The following LRRC4C variants were observed in gnomAD, a reference collection of about 807,000 sequenced individuals.
LRRC4C encodes leucine-rich repeat-containing protein 4C.
A neutral mutation model predicts 33.6 loss-of-function variants in LRRC4C; 5 were observed. That is an observed-to-expected ratio of 0.15 (90% CI 0.08 to 0.31). The LOEUF (loss-of-function observed/expected upper bound fraction) is 0.31, where lower values mean the gene tolerates loss of function less well. Among genes scored for constraint, LRRC4C ranks in the 10% least tolerant of loss-of-function variants. The pLI, the probability that LRRC4C is intolerant of heterozygous loss-of-function variation, is 1.00. For synonymous variants in LRRC4C, 329 were observed against 302.0 expected, an observed-to-expected ratio of 1.09 and a Z score of -0.93; for missense variants, 560 against 796.7, an observed-to-expected ratio of 0.70 and a Z score of 3.58.
intron 1 of LRRC4C, among the ~76,000 whole-genome samples, chr11:41,051,307 G>A (rs988327139): frequency 2.6e-5 from 4 of 151,934 alleles, no homozygotes; most frequent in Non-Finnish European, 4.4e-5. Flanking sequence ...AGAGGTGAAC[G>A]ATGAATACAA....
chr11:41,210,300 T>C (rs1205511459), intron 1 of LRRC4C, among the ~76,000 whole-genome samples: 1 of 152,140 alleles, frequency 6.6e-6, no homozygotes. Flanking sequence ...CTGTGGGAGA[T>C]AACTGAATCA....
intron 4 of LRRC4C, among the ~76,000 whole-genome samples, chr11:40,308,874 C>G (rs1358694949): frequency 2.0e-5 from 3 of 152,202 alleles, no homozygotes; most frequent in Admixed American, 2.0e-4. Context: ...CTTGAAGCTA[C>G]TCTGGTTACA....
intron 1 of LRRC4C, among the ~76,000 whole-genome samples, chr11:41,038,382 T>C (rs1451493599): frequency 6.6e-6 from 1 of 152,226 alleles, no homozygotes. Flanking sequence ...AGCCAGTTAA[T>C]CCTCTTAATT....
chr11:40,573,493 A>G (rs1353504161), intron 3 of LRRC4C, among the ~76,000 whole-genome samples: 2 of 152,158 alleles, frequency 1.3e-5, no homozygotes, highest in Non-Finnish European at 2.9e-5. Context: ...TCAATCTTAA[A>G]TAATAACTGT....
chr11:41,072,511 ACCT>A (rs1403152644), intron 1 of LRRC4C, among the ~76,000 whole-genome samples: 4 of 151,300 alleles, frequency 2.6e-5, no homozygotes, highest in Non-Finnish European at 4.4e-5. Flanking sequence ...CACTTCCCTT[ACCT>A]CCTGTTGCCA....
chr11:41,215,533 T>G (rs1947024567), intron 1 of LRRC4C, among the ~76,000 whole-genome samples: 1 of 151,920 alleles, frequency 6.6e-6, no homozygotes, highest in African/African-American at 2.4e-5. Flanking sequence ...TGACGATGTT[T>G]CCACAATCTC....
intron 2 of LRRC4C, among the ~76,000 whole-genome samples, chr11:40,924,057 T>C (rs963685165): frequency 2.0e-5 from 3 of 151,510 alleles, no homozygotes; most frequent in African/African-American, 7.3e-5. Flanking sequence ...TGTAGAGTTA[T>C]ATATATACAT....
intron 1 of LRRC4C, among the ~76,000 whole-genome samples, chr11:41,065,801 C>T (rs983655559): frequency 6.6e-6 from 1 of 152,168 alleles, no homozygotes; most frequent in Non-Finnish European, 1.5e-5. Context: ...CAGCAAACTG[C>T]AGCAGACGTG....
At chr11:41,037,868 G>A (rs1033917039) in intron 1 of LRRC4C, among the ~76,000 whole-genome samples, 10 of 152,146 alleles carry the variant, frequency 6.6e-5, no homozygotes, top group African/African-American at 2.2e-4. Flanking sequence ...GGGTCAGTCT[G>A]TAAGTATGCA....
At chr11:40,795,920 T>G (rs1186640556) in intron 2 of LRRC4C, among the ~76,000 whole-genome samples, 1 of 152,176 alleles carries the variant, frequency 6.6e-6, no homozygotes, top group Non-Finnish European at 1.5e-5. Context: ...ATAAAATAGT[T>G]GTAAACTGCC....
At chr11:41,191,508 T>C (rs1945947205) in intron 1 of LRRC4C, among the ~76,000 whole-genome samples, 1 of 152,164 alleles carries the variant, frequency 6.6e-6, no homozygotes, top group Admixed American at 6.6e-5. Context: ...TTTCTATCAT[T>C]ACTGCCAAAG....
At chr11:40,502,419 G>A (rs1954821911) in intron 3 of LRRC4C, among the ~76,000 whole-genome samples, 1 of 152,134 alleles carries the variant, frequency 6.6e-6, no homozygotes, top group Non-Finnish European at 1.5e-5. Context: ...AAGAAGAAAG[G>A]TTTAAAAGAG....
chr11:40,666,661 T>C (rs1015485657), intron 2 of LRRC4C, among the ~76,000 whole-genome samples: 1 of 152,204 alleles, frequency 6.6e-6, no homozygotes, highest in Non-Finnish European at 1.5e-5. Flanking sequence ...TAAAAATTGA[T>C]ATTTTCCTAA....
At chr11:40,507,430 T>A (rs1377543302) in intron 3 of LRRC4C, among the ~76,000 whole-genome samples, 1 of 152,136 alleles carries the variant, frequency 6.6e-6, no homozygotes, top group Non-Finnish European at 1.5e-5. Flanking sequence ...TTAAAACTTT[T>A]TTTTAACAAT....
chr11:40,932,929 A>G (rs976627521), intron 2 of LRRC4C, among the ~76,000 whole-genome samples: 1 of 152,224 alleles, frequency 6.6e-6, no homozygotes, highest in Non-Finnish European at 1.5e-5. Context: ...TTGCCTGCAT[A>G]GAATATTTGA....
At chr11:41,275,340 T>C (rs920334220) in intron 1 of LRRC4C, among the ~76,000 whole-genome samples, 1 of 152,204 alleles carries the variant, frequency 6.6e-6, no homozygotes, top group East Asian at 1.9e-4. Flanking sequence ...ATTTTTGGTC[T>C]GAATAATGGG....
At chr11:40,710,305 G>C (rs553116285) in intron 2 of LRRC4C, among the ~76,000 whole-genome samples, 2 of 152,182 alleles carry the variant, frequency 1.3e-5, no homozygotes, top group African/African-American at 4.8e-5. Flanking sequence ...TTTCTTCTCT[G>C]GTTTCTCCCC....
intron 1 of LRRC4C, among the ~76,000 whole-genome samples, chr11:40,953,987 A>G (rs1039663731): frequency 1.3e-5 from 2 of 151,928 alleles, no homozygotes; most frequent in Non-Finnish European, 2.9e-5. Context: ...AAATCCACAC[A>G]TACATAACTA....
intron 3 of LRRC4C, among the ~76,000 whole-genome samples, chr11:40,327,181 T>C (rs144468369): frequency 1.6e-4 from 24 of 152,316 alleles, no homozygotes; most frequent in African/African-American, 4.6e-4. Context: ...GAGAAAGAAA[T>C]GTAAGCCTCC....
Sources: gnomAD v4.1 joint callset for allele counts (sites outside exome capture counted in the v4.1 genomes callset) on GRCh38, gnomAD v4.1.1 for gene constraint, MANE v1.5 for transcripts, NCBI Gene and HGNC (gene_info 2026-07-23, HGNC 2026-07-21) for gene names.